Variants in TRIM3 observed in about 807,000 individuals in gnomAD.
TRIM3 encodes the protein tripartite motif containing 3, also known as tripartite motif-containing protein 3.
Under a neutral mutation model 66.6 loss-of-function variants are expected in TRIM3, and 13 were observed. That is an observed-to-expected ratio of 0.20 (90% CI 0.13 to 0.31). TRIM3 has a LOEUF of 0.31. Among genes scored for constraint, TRIM3 ranks in the 10% least tolerant of loss-of-function variants. The pLI is 1.00. For missense variants in TRIM3, 711 were observed against 1,020.4 expected (o/e 0.70, Z 4.13); for synonymous variants, 406 against 411.7 (o/e 0.99, Z 0.17).
rs755453060 is a variant in TRIM3 at position 6,450,993 on chromosome 11, A to G, written c.1769T>C (p.Ile590Thr). The G allele has an allele frequency of 3.7e-6, 6 of 1,614,112 alleles. No homozygotes were observed. Among genetic ancestry groups the G allele is most frequent in the Non-Finnish European group, 4.2e-6 (5 of 1,180,052 alleles). ...GVAVDRNGHI[I>T]VVDNKSCCVF... ...GCAGCAAGACTTGTTGTCGACCACA[A>G]TGATATGTCCATTCCGGTCTACGGC... Residue 590 changes from isoleucine to threonine, a missense_variant, in exon 9 of 12, where the codon ATT becomes ACT. Transcript: ENST00000345851. This position sits in a 1 kb window ranked among gnomAD's most constrained non-coding sequence, Gnocchi z 4.8.
chr11:6,456,145 G>C lies in TRIM3; in HGVS notation c.1460C>G (p.Thr487Ser). Residue 487 changes from threonine to serine, a missense_variant, in exon 7 of 12, where the codon ACC becomes AGC. Around this residue, in one of 3 missense-constraint regions of TRIM3, gnomAD observed 399 missense variants for 458.1 expected, o/e 0.87. Coordinates refer to ENST00000345851, the MANE Select transcript of TRIM3 (RefSeq NM_033278.4). This position sits in a 1 kb window ranked among gnomAD's most constrained non-coding sequence, Gnocchi z 6.4. ...GSRGREKGEF[T>S]NLQGVSAASS... ...GGCTGCGGACACACCTTGTAAATTG[G>C]TGAATTCACCTTTCTCCCTTCCACG... is the stretch of plus-strand genomic sequence containing the variant. 3 of 1,614,178 alleles carry C rather than the reference G, an allele frequency of 1.9e-6. No individual in the cohort carries two copies. Among genetic ancestry groups the C allele is most frequent in the Non-Finnish European group, 2.5e-6 (3 of 1,180,046 alleles).
intron 7 of TRIM3, 94 bp from the exon 8 acceptor site, chr11:6,451,532 C>G (rs573381614): frequency 2.2e-6 from 3 of 1,359,886 alleles, no homozygotes; most frequent in Non-Finnish European, 3.0e-6. Flanking sequence ...GGAGACCCCC[C>G]CACCACCATT....
At chr11:6,467,523 TC>T (rs1279490097) in intron 1 of TRIM3, among the ~76,000 whole-genome samples, 2 of 152,194 alleles carry the variant, frequency 1.3e-5, no homozygotes, top group African/African-American at 4.8e-5. Context: ...ACTAGCACTT[TC>T]AGAGGCCAAA....
Position 6,457,660 on chromosome 11 carries a change from TG to T in TRIM3, c.515+35del. 2 of 1,595,418 alleles carry T rather than the reference TG, an allele frequency of 1.3e-6. No homozygotes were observed. The highest frequency in any genetic ancestry group is 1.7e-6 in the Non-Finnish European group (2 of 1,167,238). Reference sequence around the variant, plus strand: ...CGCCCGAGCTAAGACACCATCCCTGTGGCCCCACCAGCCCAGGACCCTGCCC... The same window carrying T: ...CGCCCGAGCTAAGACACCATCCCTGTGCCCCACCAGCCCAGGACCCTGCCC... On this transcript the variant is annotated intron_variant, in intron 4 of 11. Transcript: ENST00000345851. This position sits in a 1 kb window ranked among gnomAD's most constrained non-coding sequence, Gnocchi z 4.5.
At chr11:6,459,489 C>T (rs1850130895) in intron 2 of TRIM3, among the ~76,000 whole-genome samples, 1 of 152,140 alleles carries the variant, frequency 6.6e-6, no homozygotes, top group African/African-American at 2.4e-5. Flanking sequence ...TGCATATGTG[C>T]CAGGTGCCAT....
intron 1 of TRIM3, among the ~76,000 whole-genome samples, chr11:6,466,640 T>C (rs1056393280): frequency 1.3e-5 from 2 of 152,074 alleles, no homozygotes; most frequent in East Asian, 3.9e-4. Context: ...TGTTCTCTTT[T>C]GCTTCTGGGA....
intron 1 of TRIM3, among the ~76,000 whole-genome samples, chr11:6,470,252 GA>G (rs566870458): frequency 4.7e-4 from 71 of 152,304 alleles, no homozygotes; most frequent in African/African-American, 1.6e-3. Context: ...TTTGCAGGGG[GA>G]TATCAACTGA....
chr11:6,469,518 GC>G (rs1564976448), intron 1 of TRIM3, among the ~76,000 whole-genome samples: 1 of 152,250 alleles, frequency 6.6e-6, no homozygotes, highest in East Asian at 1.9e-4. Flanking sequence ...CACTTATAAG[GC>G]CTTGGTCTCA....
At position 6,450,821 on chromosome 11, in the gene TRIM3, C is replaced by G. The variant is rs1849689136; in HGVS notation, c.1870+71G>C. The G allele has an allele frequency of 6.3e-7, 1 of 1,584,418 alleles. No homozygotes were observed. The highest frequency in any genetic ancestry group is 1.7e-5 in the Admixed American group (1 of 59,078). ...AAGATATAGGAGGAGAGGGCCTTTA[C>G]AGCTGGGGTATCTAGGGGAGTTCTC... On this transcript the variant is annotated intron_variant, in intron 9 of 11. Transcript: ENST00000345851. This position sits in a 1 kb window ranked among gnomAD's most constrained non-coding sequence, Gnocchi z 4.8.
intron 1 of TRIM3, 140 bp from the exon 2 acceptor site, chr11:6,465,872 AG>A: frequency 1.4e-6 from 1 of 700,374 alleles, no homozygotes; most frequent in Non-Finnish European, 2.4e-6. Flanking sequence ...TGGAAGGATC[AG>A]GGTGATGTGA....
chr11:6,457,129 G>T lies in TRIM3; in HGVS notation c.697-100C>A. On this transcript the variant is annotated intron_variant, in intron 5 of 11. Coordinates refer to ENST00000345851, the MANE Select transcript of TRIM3 (RefSeq NM_033278.4). The surrounding 1 kb of genome is among the most constrained non-coding windows in gnomAD (Gnocchi z 4.5). The stretch of plus-strand genomic sequence containing the variant: ...ACTGTGGCATAAAATACAAGAGGGT[G>T]CCTGTGGACAGAGGACACAGATGCC... 6.6e-7 allele frequency: 1 copy of T among 1,524,252 alleles called. No homozygotes were observed. The highest frequency in any genetic ancestry group is 8.8e-7 in the Non-Finnish European group (1 of 1,133,696). The allele number at this position is 1,524,252 out of a possible 1,614,324, so 94.4% of individuals were successfully genotyped here.
rs746834690 is a variant in TRIM3 at position 6,457,301 on chromosome 11, G to C, written c.691C>G (p.Gln231Glu). The C allele has an allele frequency of 6.2e-7, 1 of 1,614,088 alleles. No individual in the cohort carries two copies. Residue 231 changes from glutamine to glutamate, a missense_variant, in exon 5 of 12, where the codon CAG becomes GAG. This residue lies in a region of TRIM3 where 399 missense variants were observed against 458.1 expected (regional missense o/e 0.87). Transcript: ENST00000345851. The surrounding 1 kb of genome is among the most constrained non-coding windows in gnomAD (Gnocchi z 4.5). ...AGGGTGAACACAAGACACACCTTCTGTTTGGCCCCACAAATGGTCTCCAGG... is the reference window on the plus strand; with the variant it reads ...AGGGTGAACACAAGACACACCTTCTCTTTGGCCCCACAAATGGTCTCCAGG... ...SDLETICGAK[Q>E]KVLQSQLDTL...
At position 6,450,490 on chromosome 11, in the gene TRIM3, A is replaced by C; in HGVS notation, c.1941+61T>G. 1 of 1,396,836 alleles carries C rather than the reference A, an allele frequency of 7.2e-7. No individual in the cohort carries two copies. Among genetic ancestry groups the C allele is most frequent in the African/African-American group, 1.4e-5 (1 of 70,820 alleles). 86.5% of individuals were successfully genotyped at this position (1,396,836 alleles called of 1,614,324 possible). A position where few individuals can be genotyped will look rare whatever the true frequency, so the allele number is the denominator to read the frequency against. ...AAAAGGAGGAGGTAAAATAGAGAGGAGTCTTGTGGAAGAGGAAAGGATGTT... is the reference window on the plus strand; with the variant it reads ...AAAAGGAGGAGGTAAAATAGAGAGGCGTCTTGTGGAAGAGGAAAGGATGTT... On this transcript the variant is annotated intron_variant, in intron 10 of 11. Transcript: ENST00000345851. The surrounding 1 kb of genome is among the most constrained non-coding windows in gnomAD (Gnocchi z 4.8).
In TRIM3 at chr11:6,456,783, G is replaced by A. The variant is rs1234169458; in HGVS notation, c.943C>T (p.Leu315=). 6.2e-7 allele frequency: 1 copy of A among 1,612,368 alleles called. No homozygotes were observed. The highest frequency in any genetic ancestry group is 2.2e-5 in the East Asian group (1 of 44,882). Residue 315 remains leucine, a synonymous_variant, in exon 6 of 12, where the codon CTG becomes TTG. Coordinates refer to ENST00000345851, the MANE Select transcript of TRIM3 (RefSeq NM_033278.4). The surrounding 1 kb of genome is among the most constrained non-coding windows in gnomAD (Gnocchi z 6.4). ...TGTGCAGTGGCGCTCGTGGTGAGCAGTGCGCCCAGATTGAGCACCGATCGC... is the reference window on the plus strand; with the variant it reads ...TGTGCAGTGGCGCTCGTGGTGAGCAATGCGCCCAGATTGAGCACCGATCGC... ...LRRSVLNLGA[L]LTTSATAHET...
Position 6,450,992 on chromosome 11 carries a change from A to G in TRIM3, c.1770T>C (p.Ile590=), listed in dbSNP as rs747385356. ...CGCAGCAAGACTTGTTGTCGACCAC[A>G]ATGATATGTCCATTCCGGTCTACGG... ...GVAVDRNGHI[I]VVDNKSCCVF... is the part of the protein sequence containing the mutation. The change falls in exon 9 of 12, where the codon ATT becomes ATC. Residue 590 remains isoleucine (I), a synonymous_variant. Coordinates refer to ENST00000345851, the MANE Select transcript of TRIM3 (RefSeq NM_033278.4). The surrounding 1 kb of genome is among the most constrained non-coding windows in gnomAD (Gnocchi z 4.8). 1 of 1,614,194 alleles carries G rather than the reference A, an allele frequency of 6.2e-7. No homozygotes were observed. The highest frequency in any genetic ancestry group is 8.5e-7 in the Non-Finnish European group (1 of 1,180,038).
At chr11:6,468,529 G>T (rs1850557495) in intron 1 of TRIM3, among the ~76,000 whole-genome samples, 1 of 152,190 alleles carries the variant, frequency 6.6e-6, no homozygotes, top group Admixed American at 6.5e-5. Context: ...AGAACCCAGA[G>T]AAATGGTAGG....
In TRIM3 at chr11:6,456,397, G is replaced by A; in HGVS notation, c.1329C>T (p.Ser443=). 6.5e-7 allele frequency: 1 copy of A among 1,530,350 alleles called. No individual in the cohort carries two copies. Among genetic ancestry groups the A allele is most frequent in the South Asian group, 1.3e-5 (1 of 78,542 alleles). 94.8% of individuals were successfully genotyped at this position (1,530,350 alleles called of 1,614,324 possible). A position where few individuals can be genotyped will look rare whatever the true frequency, so the allele number is the denominator to read the frequency against. ...RRVKSPGGPG[S]HVRQKAVRRP... ...TACGCACTGCCTTCTGGCGCACATG[G>A]CTGCCGGGGCCGCCAGGGGACTTGA... Residue 443 remains serine (S), a synonymous_variant, in exon 6 of 12, where the codon AGC becomes AGT. Transcript: ENST00000345851. The surrounding 1 kb of genome is among the most constrained non-coding windows in gnomAD (Gnocchi z 6.4).
Position 6,450,362 on chromosome 11 carries a change from T to C in TRIM3, c.1941+189A>G. 1 of 598,170 alleles carries C rather than the reference T, an allele frequency of 1.7e-6. No homozygotes were observed. Among genetic ancestry groups the C allele is most frequent in the Non-Finnish European group, 3.0e-6 (1 of 336,300 alleles). 37.1% of individuals were successfully genotyped at this position (598,170 alleles called of 1,614,324 possible). On this transcript the variant is annotated intron_variant, in intron 10 of 11. Transcript: ENST00000345851. The surrounding 1 kb of genome is among the most constrained non-coding windows in gnomAD (Gnocchi z 4.8). Reference sequence around the variant, plus strand: ...CAAGAAGACACAGAATACATTTGCTTTGTGCATCACTGTATCTCCAGCTTC... The same window carrying C: ...CAAGAAGACACAGAATACATTTGCTCTGTGCATCACTGTATCTCCAGCTTC...
Position 6,456,402 on chromosome 11 carries a change from CG to C in TRIM3, c.1323del (p.Gly442AlafsTer61). The stretch of plus-strand genomic sequence containing the variant: ...ACTGCCTTCTGGCGCACATGGCTGC[CG>C]GGGCCGCCAGGGGACTTGACACGGC... The part of the protein sequence containing the change: ...VKRRVKSPGG[P>X]GSHVRQKAVR... On this transcript the variant is annotated frameshift_variant, in exon 6 of 12. Transcript: ENST00000345851. LOFTEE classifies it high-confidence loss of function. This position sits in a 1 kb window ranked among gnomAD's most constrained non-coding sequence, Gnocchi z 6.4. The C allele has an allele frequency of 6.5e-7, 1 of 1,530,194 alleles. No homozygotes were observed. The highest frequency in any genetic ancestry group is 8.8e-7 in the Non-Finnish European group (1 of 1,136,302). 94.8% of individuals were successfully genotyped at this position (1,530,194 alleles called of 1,614,324 possible). A position where few individuals can be genotyped will look rare whatever the true frequency, so the allele number is the denominator to read the frequency against.
Sources: allele counts gnomAD v4.1 joint callset (sites outside exome capture counted in the v4.1 genomes callset), GRCh38; gene constraint gnomAD v4.1.1; regional missense constraint gnomAD v4.1.1; non-coding constraint Gnocchi (gnomAD v3.1); transcripts MANE v1.5; gene names NCBI Gene and HGNC (gene_info 2026-07-23, HGNC 2026-07-21).